Variants in CRB1 observed in about 807,000 individuals in gnomAD.
The protein encoded by CRB1 is protein crumbs homolog 1.
CRB1 carries 83 observed loss-of-function variants against 120.0 expected under a neutral mutation model. The ratio of observed to expected loss-of-function variants is 0.69; its 90% CI spans 0.58 to 0.83. The LOEUF is 0.83. CRB1 is among the 40% of genes least tolerant of loss of function. The pLI is 0.00. For synonymous variants in CRB1, 625 were observed against 612.5 expected (o/e 1.02, Z -0.30); for missense variants, 1,699 against 1,687.6 (o/e 1.01, Z -0.12).
At chr1:197,313,968 C>G (rs1657697879) in intron 1 of CRB1, among the ~76,000 whole-genome samples, 1 of 152,184 alleles carries the variant, frequency 6.6e-6, no homozygotes, top group South Asian at 2.1e-4. Flanking sequence ...GTAACAGATT[C>G]ATTAACTAGC....
intron 5 of CRB1, among the ~76,000 whole-genome samples, chr1:197,360,144 A>C (rs1165423134): frequency 6.6e-6 from 1 of 152,224 alleles, no homozygotes; most frequent in Non-Finnish European, 1.5e-5. Context: ...ACTCAGCCAC[A>C]TAAGAATGGG....
the CRB1 span, among the ~76,000 whole-genome samples, chr1:197,228,191 C>T: frequency 6.6e-6 from 1 of 152,182 alleles, no homozygotes; most frequent in Non-Finnish European, 1.5e-5. Context: ...CATTTGGCTC[C>T]TTGTTACTTA....
At chr1:197,466,592 G>A (rs979633588) in intron 11 of CRB1, among the ~76,000 whole-genome samples, 1 of 151,934 alleles carries the variant, frequency 6.6e-6, no homozygotes, top group Non-Finnish European at 1.5e-5. Context: ...TGCTCCTAAA[G>A]CTCCTCTGAC....
At chr1:197,277,835 C>T (rs531173080) in intron 1 of CRB1, among the ~76,000 whole-genome samples, 5 of 151,874 alleles carry the variant, frequency 3.3e-5, no homozygotes, top group African/African-American at 1.2e-4. Context: ...TATCTAATTA[C>T]CACGTTTTTT....
chr1:197,324,530 C>T (rs867077328), intron 1 of CRB1, among the ~76,000 whole-genome samples: 31 of 152,084 alleles, frequency 2.0e-4, no homozygotes, highest in Admixed American at 9.2e-4. Context: ...TGATAATGCT[C>T]ACTCTGTGCC....
intron 1 of CRB1, among the ~76,000 whole-genome samples, chr1:197,293,700 G>C (rs1001958740): frequency 2.6e-5 from 4 of 152,188 alleles, no homozygotes; most frequent in South Asian, 4.2e-4. Context: ...GCATGGTACT[G>C]GTTCCAAAAC....
At chr1:197,259,335 A>C in the CRB1 span, among the ~76,000 whole-genome samples, 1 of 152,254 alleles carries the variant, frequency 6.6e-6, no homozygotes, top group Non-Finnish European at 1.5e-5. Context: ...ACACCATGGG[A>C]TACTATGCAG....
chr1:197,425,125 G>A (rs757434228), intron 6 of CRB1, among the ~76,000 whole-genome samples: 4 of 152,126 alleles, frequency 2.6e-5, no homozygotes, highest in Non-Finnish European at 5.9e-5. Context: ...AGTGATTCTG[G>A]GCATATCTTC....
the CRB1 span, among the ~76,000 whole-genome samples, chr1:197,221,691 A>T: frequency 6.6e-6 from 1 of 152,038 alleles, no homozygotes; most frequent in African/African-American, 2.4e-5. Context: ...CATTAAGAGG[A>T]CTTTAGTTAA....
chr1:197,390,943 A>G (rs755945138), intron 5 of CRB1, among the ~76,000 whole-genome samples: 19 of 152,054 alleles, frequency 1.2e-4, no homozygotes, highest in Non-Finnish European at 2.2e-4. Flanking sequence ...TTGTAGCTTC[A>G]TATATTTTGT....
intron 5 of CRB1, chr1:197,363,849 T>C: frequency 1.2e-6 from 1 of 852,558 alleles, no homozygotes; most frequent in Admixed American, 1.7e-5. Context: ...TCACCAGGAC[T>C]GTGATGGTAT....
At chr1:197,292,234 AT>A (rs1290684844) in intron 1 of CRB1, among the ~76,000 whole-genome samples, 1 of 152,148 alleles carries the variant, frequency 6.6e-6, no homozygotes, top group Non-Finnish European at 1.5e-5. Context: ...GATAAAGGGG[AT>A]ATCACCACCA....
intron 11 of CRB1, among the ~76,000 whole-genome samples, chr1:197,452,305 A>G (rs1431042970): frequency 2.0e-5 from 3 of 152,212 alleles, no homozygotes; most frequent in Admixed American, 2.0e-4. Context: ...TACGTGACCT[A>G]TTTTAAAGCT....
intron 5 of CRB1, among the ~76,000 whole-genome samples, chr1:197,406,018 G>A (rs1221002743): frequency 1.2e-4 from 18 of 149,350 alleles, no homozygotes; most frequent in Non-Finnish European, 2.2e-4. Context: ...CTGCCCGGCC[G>A]CCCCTACTGG....
intron 11 of CRB1, among the ~76,000 whole-genome samples, chr1:197,467,751 A>G (rs959193909): frequency 1.8e-4 from 28 of 152,206 alleles, no homozygotes. Context: ...TTTCTACACT[A>G]CAAAATGCAA....
chr1:197,342,185 AC>A lies in CRB1; in HGVS notation c.653-2093del, dbSNP rs1450022729. On this transcript the variant is annotated intron_variant, in intron 2 of 11. Transcript: ENST00000367400. Reference sequence around the variant, plus strand: ...ATACATTGATCCAATTTCAAGTTAGACCCTGGCGTCATTCAAACCTGCTTTA... The same window carrying A: ...ATACATTGATCCAATTTCAAGTTAGACCTGGCGTCATTCAAACCTGCTTTA... 3.3e-5 allele frequency among the ~76,000 whole-genome samples: 5 copies of A among 152,084 alleles called. No individual in the cohort carries two copies. The East Asian group carries it at 9.6e-4, about 29-fold the overall frequency.
At chr1:197,472,724 G>A (rs557864210) in intron 11 of CRB1, among the ~76,000 whole-genome samples, 1 of 152,172 alleles carries the variant, frequency 6.6e-6, no homozygotes, top group South Asian at 2.1e-4. Context: ...GATTCTGATA[G>A]GCCCAGGTTG....
intron 1 of CRB1, among the ~76,000 whole-genome samples, chr1:197,313,764 G>A (rs185096899): frequency 6.6e-6 from 1 of 152,114 alleles, no homozygotes; most frequent in East Asian, 1.9e-4. Context: ...TCATGTTGCC[G>A]CAAATGACAG....
At chr1:197,246,024 G>A in the CRB1 span, among the ~76,000 whole-genome samples, 1 of 152,060 alleles carries the variant, frequency 6.6e-6, no homozygotes, top group Non-Finnish European at 1.5e-5. Flanking sequence ...TAGTGGGGAG[G>A]GGTACTTCAT....
Sources: gnomAD v4.1 joint callset for allele counts (sites outside exome capture counted in the v4.1 genomes callset) on GRCh38, gnomAD v4.1.1 for gene constraint, MANE v1.5 for transcripts, NCBI Gene and HGNC (gene_info 2026-07-23, HGNC 2026-07-21) for gene names.